Variants in MCTP1 observed in about 807,000 individuals in gnomAD.
MCTP1 encodes multiple C2 and transmembrane domain-containing protein 1.
In MCTP1, 69 loss-of-function variants were observed where a neutral mutation model predicts 120.6. That is an observed-to-expected ratio of 0.57 (90% CI 0.47 to 0.70). The LOEUF (loss-of-function observed/expected upper bound fraction) is 0.70, where lower values mean the gene tolerates loss of function less well. Ranked by LOEUF, MCTP1 falls within the 30% of genes least tolerant of loss-of-function variation. The probability of loss-of-function intolerance (pLI) is 0.00; values close to 1 mark genes in which losing one functional copy is unlikely to be tolerated. For missense variants in MCTP1, 1,203 were observed against 1,248.8 expected (o/e 0.96, Z 0.55); for synonymous variants, 529 against 493.1 (o/e 1.07, Z -0.96).
intron 1 of MCTP1, among the ~76,000 whole-genome samples, chr5:95,027,830 C>A (rs964250): frequency 0.93 from 142,008 of 152,262 alleles, 67,023 homozygotes; most frequent in East Asian, 1. Flanking sequence ...GAATATAATA[C>A]GAAAAGAACG....
At chr5:95,173,437 CTAGG>C (rs1747586155) in intron 1 of MCTP1, among the ~76,000 whole-genome samples, 1 of 152,040 alleles carries the variant, frequency 6.6e-6, no homozygotes, top group African/African-American at 2.4e-5. Flanking sequence ...AATTTGCATC[CTAGG>C]ACTACAAGGA....
intron 2 of MCTP1, among the ~76,000 whole-genome samples, chr5:94,955,579 G>C (rs953330958): frequency 2.6e-5 from 4 of 152,170 alleles, no homozygotes; most frequent in Non-Finnish European, 5.9e-5. Flanking sequence ...AGCTTGGTAG[G>C]GAGAGGGGCG....
At chr5:94,780,903 A>G (rs1235222722) in intron 18 of MCTP1, among the ~76,000 whole-genome samples, 2 of 152,130 alleles carry the variant, frequency 1.3e-5, no homozygotes, top group Non-Finnish European at 1.5e-5. Context: ...CCTCACATTT[A>G]AAGTATTCAC....
chr5:94,860,751 G>A (rs908216220), intron 17 of MCTP1, among the ~76,000 whole-genome samples: 3 of 151,186 alleles, frequency 2.0e-5, no homozygotes, highest in African/African-American at 4.9e-5. Flanking sequence ...GAGCTGGGGC[G>A]GGGGGGAAGC....
chr5:94,818,894 T>G (rs1385415645), intron 17 of MCTP1, among the ~76,000 whole-genome samples: 1 of 152,096 alleles, frequency 6.6e-6, no homozygotes, highest in African/African-American at 2.4e-5. Flanking sequence ...CTTAGAAAAT[T>G]CAGATAACCT....
chr5:95,152,599 G>T (rs1441081766), intron 1 of MCTP1, among the ~76,000 whole-genome samples: 1 of 152,170 alleles, frequency 6.6e-6, no homozygotes, highest in Non-Finnish European at 1.5e-5. Flanking sequence ...ATTAACGAGG[G>T]TTATCGTTAA....
At chr5:94,714,086 T>C (rs1266593437) in intron 20 of MCTP1, among the ~76,000 whole-genome samples, 1 of 152,052 alleles carries the variant, frequency 6.6e-6, no homozygotes, top group Non-Finnish European at 1.5e-5. Flanking sequence ...AAATACACCT[T>C]TTAAAAAAAA....
intron 19 of MCTP1, among the ~76,000 whole-genome samples, chr5:94,750,967 G>T (rs942947915): frequency 6.6e-6 from 1 of 152,306 alleles, no homozygotes; most frequent in South Asian, 2.1e-4. Flanking sequence ...ATCCAGAACC[G>T]AAACCTGGGC....
intron 2 of MCTP1, among the ~76,000 whole-genome samples, chr5:95,012,286 T>A (rs1408914685): frequency 1.3e-5 from 2 of 152,176 alleles, no homozygotes; most frequent in Admixed American, 6.5e-5. Flanking sequence ...GAATCATGAC[T>A]GTCATTGTCT....
chr5:95,214,707 C>T (rs1236567247), intron 1 of MCTP1, among the ~76,000 whole-genome samples: 1 of 151,998 alleles, frequency 6.6e-6, no homozygotes, highest in African/African-American at 2.4e-5. Flanking sequence ...GAGTTCTTGT[C>T]CTTTGTAGGG....
At chr5:95,188,952 A>G (rs996573436) in intron 1 of MCTP1, among the ~76,000 whole-genome samples, 2 of 152,192 alleles carry the variant, frequency 1.3e-5, no homozygotes, top group Non-Finnish European at 2.9e-5. Flanking sequence ...GGATACACGG[A>G]ATCTCTCTGT....
At chr5:95,121,329 A>G (rs1758228361) in intron 1 of MCTP1, among the ~76,000 whole-genome samples, 1 of 151,664 alleles carries the variant, frequency 6.6e-6, no homozygotes, top group Non-Finnish European at 1.5e-5. Flanking sequence ...ATCAACATAC[A>G]AAAACCAGTA....
intron 1 of MCTP1, among the ~76,000 whole-genome samples, chr5:95,168,791 T>C (rs976460845): frequency 5.3e-5 from 8 of 152,188 alleles, no homozygotes; most frequent in African/African-American, 1.9e-4. Flanking sequence ...CTTAAGGAGA[T>C]TTTGGGCTGA....
intron 1 of MCTP1, among the ~76,000 whole-genome samples, chr5:95,140,580 C>A (rs1000960100): frequency 6.6e-6 from 1 of 151,468 alleles, no homozygotes; most frequent in Non-Finnish European, 1.5e-5. Context: ...ATTTAACGGC[C>A]GGGCGCGATG....
intron 1 of MCTP1, among the ~76,000 whole-genome samples, chr5:95,084,285 A>G (rs1755262738): frequency 6.6e-6 from 1 of 152,170 alleles, no homozygotes; most frequent in African/African-American, 2.4e-5. Flanking sequence ...GGTACATTGT[A>G]CTCACTCTAA....
At chr5:94,776,724 T>C (rs1366181743) in intron 19 of MCTP1, among the ~76,000 whole-genome samples, 1 of 152,194 alleles carries the variant, frequency 6.6e-6, no homozygotes, top group Non-Finnish European at 1.5e-5. Flanking sequence ...ACACATTTGT[T>C]TTCTCATGAA....
At position 94,772,611 on chromosome 5, in the gene MCTP1, T is replaced by C. The variant is rs1171739139; in HGVS notation, c.2610+6499A>G. On this transcript the variant is annotated intron_variant, in intron 19 of 22. Coordinates refer to ENST00000515393, the MANE Select transcript of MCTP1 (RefSeq NM_024717.7). ...GGGATTAAGTCATGGGCATTTTTGA[T>C]ATTATTCTGCCTACTACACACTCCC... Among the ~76,000 whole-genome samples, 4 of 152,330 alleles carry C rather than the reference T, an allele frequency of 2.6e-5. No homozygotes were observed. In the East Asian group the frequency reaches 7.7e-4, roughly 29 times the overall value.
intron 2 of MCTP1, among the ~76,000 whole-genome samples, chr5:94,958,056 A>G (rs937409340): frequency 1.4e-5 from 2 of 142,976 alleles, no homozygotes; most frequent in South Asian, 2.3e-4. Flanking sequence ...AACAGAAATT[A>G]TAACAAACAG....
chr5:95,262,285 T>C (rs142571141), intron 1 of MCTP1, among the ~76,000 whole-genome samples: 125 of 152,298 alleles, frequency 8.2e-4, no homozygotes, highest in African/African-American at 2.7e-3. Flanking sequence ...TCACAGGTGA[T>C]TTCTAAGAGC....
Sources: allele counts gnomAD v4.1 joint callset (sites outside exome capture counted in the v4.1 genomes callset), GRCh38; gene constraint gnomAD v4.1.1; transcripts MANE v1.5; gene names NCBI Gene and HGNC (gene_info 2026-07-23, HGNC 2026-07-21).